The following ADGRV1 variants were observed in gnomAD, a reference collection of about 807,000 sequenced individuals.
ADGRV1 encodes the protein G-protein coupled receptor 98.
A neutral mutation model predicts 596.2 loss-of-function variants in ADGRV1; 359 were observed. That is an observed-to-expected ratio of 0.60 (90% confidence interval 0.55 to 0.66). The LOEUF is 0.66. Ranked by LOEUF, ADGRV1 falls within the 30% of genes least tolerant of loss-of-function variation. ADGRV1 has a pLI of 0.00. For missense variants in ADGRV1, 7,274 were observed against 7,575.6 expected, an observed-to-expected ratio of 0.96 and a Z score of 1.48; for synonymous variants, 2,681 against 2,679.2, an observed-to-expected ratio of 1.00 and a Z score of -0.02.
intron 77 of ADGRV1, among the ~76,000 whole-genome samples, chr5:90,831,280 T>TAC (rs539222542): frequency 1.5e-3 from 222 of 149,636 alleles, no homozygotes; most frequent in South Asian, 3.4e-3. Context: ...TACATATATA[T>TAC]ACACACACAC....
rs1451542160 is a variant in ADGRV1, at chr5:90,985,581, G to T, written c.18152+59G>T. 1.5e-5 allele frequency: 19 copies of T among 1,309,346 alleles called. No homozygotes were observed. The Admixed American group carries it at 3.3e-4, about 23-fold the overall frequency. 81.1% of individuals were successfully genotyped at this position (1,309,346 alleles called of 1,614,324 possible). ...TTCATGTACCTAAGCAGATTTCGTT[G>T]CCATAAGAGCTGTGATTGAATAAGT... On this transcript the variant is annotated intron_variant, in intron 85 of 89. Transcript: ENST00000405460.
intron 84 of ADGRV1, among the ~76,000 whole-genome samples, chr5:90,974,247 T>A (rs1252811641): frequency 6.6e-6 from 1 of 152,014 alleles, no homozygotes; most frequent in African/African-American, 2.4e-5. Flanking sequence ...ATAGGAAGAA[T>A]CAATATTGTA....
intron 48 of ADGRV1, among the ~76,000 whole-genome samples, chr5:90,727,682 G>A (rs1316035246): frequency 6.6e-6 from 1 of 152,088 alleles, no homozygotes; most frequent in Non-Finnish European, 1.5e-5. Context: ...TTCTGGTATT[G>A]TTATTAATAT....
chr5:91,053,993 T>G (rs772944355), intron 85 of ADGRV1, among the ~76,000 whole-genome samples: 8 of 152,120 alleles, frequency 5.3e-5, no homozygotes, highest in Non-Finnish European at 1.2e-4. Context: ...GATCAAGAAT[T>G]TTGTCCATTA....
At chr5:91,150,009 C>CTTTTCTTTTTTTTTTTTTTTTTTTTTT in intron 87 of ADGRV1, 21 bp from the exon 88 acceptor site, 1 of 1,288,700 alleles carries the variant, frequency 7.8e-7, no homozygotes, top group East Asian at 3.0e-5. Flanking sequence ...CTTTTCTTTT[C>CTTTTCTTTTTTTTTTTTTTTTTTTTTT]TTTTTTTTTT....
Position 90,840,592 on chromosome 5 carries a change from T to C in ADGRV1, c.16626T>C (p.Ala5542=). ...TTAATTTCTAGGAGTTGAGGAGTGC[T>C]GAAACAATTGGTCGTACCATCATAT... is the stretch of plus-strand genomic sequence containing the variant. ...VNFSTQELRS[A]ETIGRTIISP... Residue 5542 remains alanine, a synonymous_variant, in exon 78 of 90, where the codon GCT becomes GCC. Coordinates refer to ENST00000405460, the MANE Select transcript of ADGRV1 (RefSeq NM_032119.4). 1 of 1,604,508 alleles carries C rather than the reference T, an allele frequency of 6.2e-7. No homozygotes were observed. The highest frequency in any genetic ancestry group is 1.7e-4 in the Middle Eastern group (1 of 6,012).
intron 34 of ADGRV1, among the ~76,000 whole-genome samples, chr5:90,702,487 T>C (rs1269851813): frequency 1.3e-5 from 2 of 151,768 alleles, no homozygotes; most frequent in Non-Finnish European, 2.9e-5. Context: ...GTATGAAAAA[T>C]TATTTTGTTT....
chr5:90,586,282 A>G (rs566048096), intron 1 of ADGRV1, among the ~76,000 whole-genome samples: 89 of 152,354 alleles, frequency 5.8e-4, no homozygotes, highest in African/African-American at 2.1e-3. Context: ...CTACATAACT[A>G]CAGTGCTTTT....
chr5:90,745,865 T>C (rs528419816), intron 52 of ADGRV1, 70 bp downstream of exon 52: 3 of 885,254 alleles, frequency 3.4e-6, no homozygotes, highest in South Asian at 1.5e-5. Flanking sequence ...TATTAGCTAT[T>C]ATTAGCACTC....
chr5:90,854,012 A>G lies in ADGRV1; in HGVS notation c.17455-50A>G, dbSNP rs532901489. 3 of 1,367,378 alleles carry G rather than the reference A, an allele frequency of 2.2e-6. No homozygotes were observed. In the African/African-American group the frequency reaches 4.3e-5, roughly 19 times the overall value. 84.7% of individuals were successfully genotyped at this position (1,367,378 alleles called of 1,614,324 possible). A position where few individuals can be genotyped will look rare whatever the true frequency, so the allele number is the denominator to read the frequency against. ...CAAGTTCAGGGTAAGAGACTCAGTCATTACACCAATTGTAAAACATCATTA... is the reference window on the plus strand; with the variant it reads ...CAAGTTCAGGGTAAGAGACTCAGTCGTTACACCAATTGTAAAACATCATTA... On this transcript the variant is annotated intron_variant, in intron 80 of 89. Coordinates refer to ENST00000405460, the MANE Select transcript of ADGRV1 (RefSeq NM_032119.4).
At chr5:90,596,474 C>T (rs544559763) in intron 1 of ADGRV1, among the ~76,000 whole-genome samples, 3 of 152,026 alleles carry the variant, frequency 2.0e-5, no homozygotes, top group African/African-American at 2.4e-5. Context: ...GCCGAGATCA[C>T]GCCACTGCAC....
intron 29 of ADGRV1, among the ~76,000 whole-genome samples, chr5:90,688,290 G>A (rs1468236985): frequency 1.3e-5 from 2 of 152,152 alleles, no homozygotes; most frequent in African/African-American, 2.4e-5. Flanking sequence ...AAACAGCAAT[G>A]GGGAAAGGAT....
At chr5:91,014,028 T>A (rs542172858) in intron 85 of ADGRV1, among the ~76,000 whole-genome samples, 1 of 151,834 alleles carries the variant, frequency 6.6e-6, no homozygotes, top group Non-Finnish European at 1.5e-5. Context: ...GTATGTGGCC[T>A]TATTTCTGGG....
At chr5:91,153,085 T>C (rs1226037673) in intron 88 of ADGRV1, 136 bp from the exon 89 acceptor site, 1 of 648,340 alleles carries the variant, frequency 1.5e-6, no homozygotes, top group Non-Finnish European at 2.6e-6. Context: ...AAAGGTCTAG[T>C]TTCAAAACAA....
At chr5:90,660,932 A>G (rs999607219) in intron 21 of ADGRV1, among the ~76,000 whole-genome samples, 2 of 152,202 alleles carry the variant, frequency 1.3e-5, no homozygotes, top group Non-Finnish European at 2.9e-5. Context: ...TCTACCAACC[A>G]GGTACACTAT....
At chr5:90,769,991 T>TG (rs1345224588) in intron 59 of ADGRV1, among the ~76,000 whole-genome samples, 1 of 152,196 alleles carries the variant, frequency 6.6e-6, no homozygotes, top group Non-Finnish European at 1.5e-5. Flanking sequence ...TTATTCTTGG[T>TG]TAGTGTAGTC....
At chr5:90,572,598 T>A (rs1017410756) in intron 1 of ADGRV1, among the ~76,000 whole-genome samples, 2 of 152,198 alleles carry the variant, frequency 1.3e-5, no homozygotes, top group African/African-American at 4.8e-5. Flanking sequence ...GTCTATTCAA[T>A]AAATGGTGTT....
chr5:90,985,567 A>G, intron 85 of ADGRV1, 45 bp downstream of exon 85: 2 of 1,498,274 alleles, frequency 1.3e-6, no homozygotes, highest in East Asian at 4.5e-5. Flanking sequence ...TCATGTACCT[A>G]AGCAGATTTC....
chr5:90,603,168 C>T (rs1356727725), intron 1 of ADGRV1, among the ~76,000 whole-genome samples: 3 of 152,210 alleles, frequency 2.0e-5, no homozygotes, highest in South Asian at 2.1e-4. Context: ...GTAGAGGTGG[C>T]GGATACTGTG....
Sources: allele counts gnomAD v4.1 joint callset (sites outside exome capture counted in the v4.1 genomes callset), GRCh38; gene constraint gnomAD v4.1.1; transcripts MANE v1.5; gene names NCBI Gene and HGNC (gene_info 2026-07-23, HGNC 2026-07-21).